VPS54: variants seen among roughly 807,000 people sequenced by gnomAD.
VPS54 encodes vacuolar protein sorting-associated protein 54.
In VPS54, 45 loss-of-function variants were observed where a neutral mutation model predicts 121.5. The observed-to-expected ratio is 0.37, with a 90% CI of 0.29 to 0.47. VPS54 has a LOEUF of 0.47. VPS54 is among the 20% of genes least tolerant of loss of function. The pLI is 0.99. For missense variants in VPS54, 1,090 were observed against 1,131.4 expected, an observed-to-expected ratio of 0.96 and a Z score of 0.52; for synonymous variants, 371 against 385.8, an observed-to-expected ratio of 0.96 and a Z score of 0.45.
rs752770426 is a variant in VPS54 at position 63,962,244 on chromosome 2, C to G, written c.824G>C (p.Arg275Thr). ...VMCEGSLHIL[R>T]LALTRNNCVK... ...ACAATTATTTCTGGTAAGTGCCAGT[C>G]TTAAAATGTGGAGTGATCCTTCACA... Residue 275 changes from arginine (R) to threonine (T), a missense_variant, in exon 7 of 23, where the codon AGA (arginine) becomes ACA (threonine). Arg to Thr is a moderately conservative substitution (Grantham distance 71, BLOSUM62 -1). Around this residue, in one of 2 missense-constraint regions of VPS54, gnomAD observed 801 missense variants for 757.0 expected, o/e 1.06. Transcript: ENST00000272322. 3 of 1,614,020 alleles carry G rather than the reference C, an allele frequency of 1.9e-6. No homozygotes were observed. In the Admixed American group the frequency reaches 5.0e-5, roughly 27 times the overall value.
At chr2:63,934,146 T>C (rs1363353168) in intron 11 of VPS54, 133 bp from the exon 12 acceptor site, 2 of 742,760 alleles carry the variant, frequency 2.7e-6, no homozygotes, top group South Asian at 2.1e-5. Flanking sequence ...TATCAGAATT[T>C]CTACCGATCT....
intron 3 of VPS54, chr2:63,975,157 T>C: frequency 2.5e-6 from 2 of 795,248 alleles, no homozygotes; most frequent in Non-Finnish European, 3.8e-6. Flanking sequence ...GTGATTCTCA[T>C]GCCTCAGCCT....
intron 1 of VPS54, among the ~76,000 whole-genome samples, chr2:63,997,400 C>T (rs1376755541): frequency 1.3e-5 from 2 of 152,010 alleles, no homozygotes; most frequent in Admixed American, 1.3e-4. Flanking sequence ...CTGTTCACAC[C>T]CTGGGTTTCT....
intron 20 of VPS54, among the ~76,000 whole-genome samples, chr2:63,906,867 G>T (rs915712944): frequency 1.3e-5 from 2 of 152,126 alleles, no homozygotes; most frequent in African/African-American, 2.4e-5. Context: ...AAATTTTATA[G>T]GGAAAAGCTA....
intron 1 of VPS54, among the ~76,000 whole-genome samples, chr2:63,988,333 A>G (rs1473505127): frequency 1.3e-5 from 2 of 152,190 alleles, no homozygotes; most frequent in African/African-American, 4.8e-5. Flanking sequence ...AACTATCTAC[A>G]TTCCTGAAAT....
chr2:64,002,707 G>A (rs1215503367), intron 1 of VPS54, among the ~76,000 whole-genome samples: 1 of 152,144 alleles, frequency 6.6e-6, no homozygotes, highest in East Asian at 1.9e-4. Flanking sequence ...AAAACACATG[G>A]TTTACTCTTT....
chr2:63,935,801 T>C (rs1405904061), intron 11 of VPS54, among the ~76,000 whole-genome samples: 1 of 152,178 alleles, frequency 6.6e-6, no homozygotes, highest in Admixed American at 6.6e-5. Flanking sequence ...CTAAACTGGT[T>C]CAATCAATTA....
intron 7 of VPS54, among the ~76,000 whole-genome samples, chr2:63,957,772 A>C (rs1675570888): frequency 6.6e-6 from 1 of 152,116 alleles, no homozygotes; most frequent in South Asian, 2.1e-4. Context: ...TTTAATTACA[A>C]ATCATGAAAA....
intron 11 of VPS54, among the ~76,000 whole-genome samples, chr2:63,937,984 CAT>C (rs1218539645): frequency 2.0e-5 from 3 of 151,468 alleles, no homozygotes; most frequent in Non-Finnish European, 2.9e-5. Context: ...GAGTCAAACT[CAT>C]AGAGACAGAA....
rs769887821 is a variant in VPS54 at position 63,899,500 on chromosome 2, C to A, written c.2707G>T (p.Asp903Tyr). The A allele has an allele frequency of 1.9e-6, 3 of 1,613,732 alleles. No individual in the cohort carries two copies. The highest frequency in any genetic ancestry group is 2.2e-5 in the South Asian group (2 of 91,056). ...TGTGTTTGTTCTTCTGGAAGGAGAT[C>A]AAATATAGCTTCGTGCATTTTTGTC... Reference protein sequence around the residue: ...QMTKMHEAIFDLLPEEQTQML... With the variant: ...QMTKMHEAIFYLLPEEQTQML... The change falls in exon 21 of 23, where the codon GAT becomes TAT. Residue 903 changes from aspartate to tyrosine, a missense_variant. Transcript: ENST00000272322.
chr2:63,940,075 C>T (rs943189223), intron 11 of VPS54, among the ~76,000 whole-genome samples: 2 of 152,046 alleles, frequency 1.3e-5, no homozygotes, highest in Admixed American at 6.6e-5. Context: ...GCATTTTTAA[C>T]TGAATATCAT....
chr2:63,993,248 A>G (rs967672755), intron 1 of VPS54, among the ~76,000 whole-genome samples: 3 of 152,208 alleles, frequency 2.0e-5, no homozygotes, highest in Non-Finnish European at 4.4e-5. Flanking sequence ...TTTGGGTAAC[A>G]TTAATTATTT....
intron 7 of VPS54, among the ~76,000 whole-genome samples, chr2:63,950,316 T>G (rs928736637): frequency 1.3e-5 from 2 of 152,160 alleles, no homozygotes; most frequent in Non-Finnish European, 2.9e-5. Context: ...GCACTGATAA[T>G]CCTTTCCATA....
At chr2:63,896,105 T>C (rs552858746) in intron 22 of VPS54, among the ~76,000 whole-genome samples, 6 of 152,358 alleles carry the variant, frequency 3.9e-5, no homozygotes, top group African/African-American at 1.2e-4. Context: ...CTTATGTATG[T>C]ACCATTTGTA....
chr2:63,983,334 T>C (rs1473403758), intron 2 of VPS54, among the ~76,000 whole-genome samples: 5 of 152,050 alleles, frequency 3.3e-5, no homozygotes, highest in African/African-American at 1.2e-4. Flanking sequence ...GGTTTCACCA[T>C]GTTGGCCAGG....
At chr2:63,995,796 G>C (rs1477833585) in intron 1 of VPS54, among the ~76,000 whole-genome samples, 1 of 152,208 alleles carries the variant, frequency 6.6e-6, no homozygotes, top group Non-Finnish European at 1.5e-5. Flanking sequence ...GATCATTCAT[G>C]GGAAATGGTC....
intron 8 of VPS54, 106 bp from the exon 9 acceptor site, chr2:63,947,596 T>A: frequency 2.0e-6 from 2 of 976,206 alleles, no homozygotes. Flanking sequence ...CAGATCTCTA[T>A]CCTGCACAAA....
intron 1 of VPS54, among the ~76,000 whole-genome samples, chr2:64,000,610 T>TA (rs1419986795): frequency 4.6e-5 from 7 of 152,252 alleles, no homozygotes; most frequent in African/African-American, 1.7e-4. Context: ...CCAAGCCCAG[T>TA]AATGCTGTGG....
rs1678116660 is a variant in VPS54 at position 64,005,795 on chromosome 2, A to T, written c.-21+13143T>A. On this transcript the variant is annotated intron_variant, in intron 1 of 22. Transcript: ENST00000272322. The stretch of plus-strand genomic sequence containing the variant: ...AGTTAGGGAATAAGTTAAAATAAAG[A>T]TGTAATTTTTTCCCCATCTAAAGTT... Among the ~76,000 whole-genome samples, 4 of 152,172 alleles carry T rather than the reference A, an allele frequency of 2.6e-5. No homozygotes were observed. The South Asian group carries it at 8.3e-4, about 32-fold the overall frequency.
Sources: gnomAD v4.1 joint callset for allele counts (sites outside exome capture counted in the v4.1 genomes callset) on GRCh38, gnomAD v4.1.1 for gene constraint, gnomAD v4.1.1 regional missense constraint, MANE v1.5 for transcripts, NCBI Gene and HGNC (gene_info 2026-07-23, HGNC 2026-07-21) for gene names.